Variants in CDH13 observed in about 807,000 individuals in gnomAD.
The protein encoded by CDH13 is cadherin-13.
Under a neutral mutation model 63.8 loss-of-function variants are expected in CDH13, and 24 were observed. That is an observed-to-expected ratio of 0.38 (90% CI 0.27 to 0.53). The LOEUF is 0.53. Among genes scored for constraint, CDH13 ranks in the 20% least tolerant of loss-of-function variants. The probability of loss-of-function intolerance (pLI) is 0.85; values close to 1 mark genes in which losing one functional copy is unlikely to be tolerated. For missense variants in CDH13, 1,049 were observed against 903.1 expected, an observed-to-expected ratio of 1.16 and a Z score of -2.07; for synonymous variants, 503 against 355.3, an observed-to-expected ratio of 1.42 and a Z score of -4.67.
intron 5 of CDH13, among the ~76,000 whole-genome samples, chr16:83,321,388 A>T (rs2090220432): frequency 6.6e-6 from 1 of 152,128 alleles, no homozygotes; most frequent in South Asian, 2.1e-4. Flanking sequence ...CTTCATTGGC[A>T]TCGGAATTAT....
At chr16:83,446,814 T>C (rs758399375) in intron 6 of CDH13, among the ~76,000 whole-genome samples, 12 of 152,158 alleles carry the variant, frequency 7.9e-5, no homozygotes, top group Non-Finnish European at 1.5e-4. Context: ...GGAGTACATG[T>C]AACAAATCCA....
At chr16:83,391,887 A>C (rs948372138) in intron 6 of CDH13, among the ~76,000 whole-genome samples, 2 of 152,198 alleles carry the variant, frequency 1.3e-5, no homozygotes, top group African/African-American at 4.8e-5. Context: ...TTTGAGTGTA[A>C]AATCGAGTTG....
intron 1 of CDH13, chr16:82,773,608 A>G (rs1458441514): frequency 6.6e-6 from 1 of 152,170 alleles, no homozygotes; most frequent in Non-Finnish European, 1.5e-5. Context: ...AGTGTCATCA[A>G]TCTCCAATTC....
At chr16:83,081,030 C>T (rs924153132) in intron 3 of CDH13, among the ~76,000 whole-genome samples, 19 of 151,518 alleles carry the variant, frequency 1.3e-4, no homozygotes, top group Admixed American at 3.3e-4. Flanking sequence ...TACAGGCATG[C>T]GCCACCAGGC....
At chr16:83,168,651 C>G (rs1373279272) in intron 4 of CDH13, among the ~76,000 whole-genome samples, 3 of 149,256 alleles carry the variant, frequency 2.0e-5, no homozygotes, top group African/African-American at 7.3e-5. Context: ...GAGATAGCTT[C>G]TGATAACATA....
chr16:82,858,706 A>T (rs2039806941), intron 2 of CDH13: 2 of 597,472 alleles, frequency 3.3e-6, no homozygotes, highest in East Asian at 5.5e-5. Context: ...GGGTATCTCC[A>T]TACTGCTGTC....
intron 1 of CDH13, among the ~76,000 whole-genome samples, chr16:82,851,934 C>G (rs2039506876): frequency 6.6e-6 from 1 of 152,118 alleles, no homozygotes; most frequent in African/African-American, 2.4e-5. Context: ...AAGAGTAAAC[C>G]AGAGATGTTT....
intron 5 of CDH13, among the ~76,000 whole-genome samples, chr16:83,232,545 CAAACA>C (rs796178998): frequency 4.4e-4 from 47 of 107,966 alleles, no homozygotes; most frequent in South Asian, 1.3e-3. Flanking sequence ...ACAACAACAA[CAAACA>C]AACAAAAAAA....
At chr16:83,410,326 G>GCTTTTTTA (rs1451722207) in intron 6 of CDH13, among the ~76,000 whole-genome samples, 1 of 152,098 alleles carries the variant, frequency 6.6e-6, no homozygotes, top group Non-Finnish European at 1.5e-5. Context: ...GGGGAAAAAG[G>GCTTTTTTA]CTTTTTTACT....
intron 3 of CDH13, among the ~76,000 whole-genome samples, chr16:83,042,178 T>C (rs1217815671): frequency 2.0e-5 from 3 of 152,196 alleles, no homozygotes. Flanking sequence ...CACCCACCTG[T>C]CTGAGTACCA....
intron 10 of CDH13, among the ~76,000 whole-genome samples, chr16:83,723,214 C>G (rs9929756): frequency 0.37 from 56,719 of 152,156 alleles, 10,789 homozygotes; most frequent in Non-Finnish European, 0.4. Context: ...GCTTGATAAG[C>G]TACCTCATGC....
intron 2 of CDH13, among the ~76,000 whole-genome samples, chr16:83,010,692 C>A (rs1482298804): frequency 6.6e-6 from 1 of 152,010 alleles, no homozygotes; most frequent in Non-Finnish European, 1.5e-5. Context: ...TGGTTGTTAC[C>A]CAGAGCCCTA....
At chr16:82,840,627 G>T (rs925048484) in intron 1 of CDH13, among the ~76,000 whole-genome samples, 2 of 148,028 alleles carry the variant, frequency 1.4e-5, no homozygotes, top group Non-Finnish European at 1.5e-5. Context: ...GGAGGTTGCA[G>T]TGAGCTGAGA....
intron 5 of CDH13, among the ~76,000 whole-genome samples, chr16:83,231,573 A>C (rs1402983638): frequency 6.6e-6 from 1 of 152,216 alleles, no homozygotes; most frequent in Non-Finnish European, 1.5e-5. Flanking sequence ...TAGTTACATT[A>C]GAAGTAGGGG....
intron 3 of CDH13, among the ~76,000 whole-genome samples, chr16:83,117,173 G>A (rs947585558): frequency 2.0e-5 from 3 of 152,176 alleles, no homozygotes; most frequent in African/African-American, 7.2e-5. Flanking sequence ...CCCTTCCAGG[G>A]CTCACTCCTC....
chr16:83,404,870 C>T (rs977371670), intron 6 of CDH13, among the ~76,000 whole-genome samples: 1 of 152,158 alleles, frequency 6.6e-6, no homozygotes, highest in East Asian at 1.9e-4. Flanking sequence ...TCCTCATTCT[C>T]TTTAATGGCT....
rs545145676 is a variant in CDH13, at chr16:83,003,731, G to A, written c.158-28279G>A. On this transcript the variant is annotated intron_variant, in intron 2 of 13. Transcript: ENST00000567109. Reference sequence around the variant, plus strand: ...ATTAGAGCACAGAGAAGATTACTACGACCCTTGGGCATCTGTGACTACTCC... The same window carrying A: ...ATTAGAGCACAGAGAAGATTACTACAACCCTTGGGCATCTGTGACTACTCC... Among the ~76,000 whole-genome samples, 365 of 152,286 alleles carry A rather than the reference G, an allele frequency of 2.4e-3. 2 individuals are homozygous for A. The highest frequency in any genetic ancestry group is 8.1e-3 in the African/African-American group (336 of 41,554).
At position 83,678,399 on chromosome 16, in the gene CDH13, G is replaced by T; in HGVS notation, c.1476G>T (p.Val492=). 6.2e-7 allele frequency: 1 copy of T among 1,613,950 alleles called. No homozygotes were observed. Among genetic ancestry groups the T allele is most frequent in the Non-Finnish European group, 8.5e-7 (1 of 1,179,882 alleles). Residue 492 remains valine, a synonymous_variant, in exon 10 of 14, where the codon GTG becomes GTT. Coordinates refer to ENST00000567109, the MANE Select transcript of CDH13 (RefSeq NM_001257.5). ...MMVTRQEDLS[V]GSVLLTVNAT... ...TGACCAGGCAGGAGGACCTCTCTGT[G>T]GGCAGCGTGCTGCTGACAGTGAATG...
At chr16:83,613,514 A>C (rs926500689) in intron 8 of CDH13, among the ~76,000 whole-genome samples, 2 of 152,136 alleles carry the variant, frequency 1.3e-5, no homozygotes, top group Admixed American at 1.3e-4. Flanking sequence ...TCTTCTGTCT[A>C]ATCTACTATA....
Sources: allele counts gnomAD v4.1 joint callset (sites outside exome capture counted in the v4.1 genomes callset), GRCh38; gene constraint gnomAD v4.1.1; transcripts MANE v1.5; gene names NCBI Gene and HGNC (gene_info 2026-07-23, HGNC 2026-07-21).